The following BBS9 variants were observed in gnomAD, a reference collection of about 807,000 sequenced individuals.
The protein encoded by BBS9 is protein PTHB1.
Under a neutral mutation model 117.7 loss-of-function variants are expected in BBS9, and 89 were observed. The observed-to-expected ratio is 0.76, with a 90% CI of 0.64 to 0.90. The LOEUF is 0.90. Ranked by LOEUF, BBS9 falls within the 40% of genes least tolerant of loss-of-function variation. BBS9 has a pLI of 0.00. For synonymous variants in BBS9, 379 were observed against 370.9 expected, an observed-to-expected ratio of 1.02 and a Z score of -0.25; for missense variants, 982 against 1,042.2, an observed-to-expected ratio of 0.94 and a Z score of 0.80.
chr7:33,582,950 C>T (rs940771803), intron 21 of BBS9, among the ~76,000 whole-genome samples: 2 of 152,106 alleles, frequency 1.3e-5, no homozygotes, highest in Non-Finnish European at 2.9e-5. Context: ...ACTGCTGGTC[C>T]AGAACTAAGT....
chr7:33,389,304 C>T (rs1826590430), intron 19 of BBS9, among the ~76,000 whole-genome samples: 1 of 152,146 alleles, frequency 6.6e-6, no homozygotes, highest in Non-Finnish European at 1.5e-5. Context: ...TTTGAAAGGA[C>T]AAATCAGATT....
chr7:33,316,535 C>T (rs2128566891), intron 9 of BBS9, among the ~76,000 whole-genome samples: 1 of 152,288 alleles, frequency 6.6e-6, no homozygotes, highest in East Asian at 1.9e-4. Flanking sequence ...GTTCTGGTTG[C>T]TCAACATCCT....
intron 21 of BBS9, among the ~76,000 whole-genome samples, chr7:33,544,670 C>T (rs1017765902): frequency 6.6e-6 from 1 of 152,160 alleles, no homozygotes; most frequent in African/African-American, 2.4e-5. Flanking sequence ...GCTGGTTGGC[C>T]TCCTGCCAGG....
intron 18 of BBS9, among the ~76,000 whole-genome samples, chr7:33,386,105 A>T (rs1207072619): frequency 6.6e-6 from 1 of 152,224 alleles, no homozygotes; most frequent in African/African-American, 2.4e-5. Flanking sequence ...CGTTGTGCAC[A>T]TGTACCCTAG....
At chr7:33,208,711 G>A (rs1345306) in intron 5 of BBS9, among the ~76,000 whole-genome samples, 45,326 of 151,980 alleles carry the variant, frequency 0.3, 7,282 homozygotes, top group Admixed American at 0.43. Flanking sequence ...AATGCAGAAA[G>A]TATGGATTCA....
At chr7:33,341,977 C>T (rs1816660786) in intron 11 of BBS9, among the ~76,000 whole-genome samples, 1 of 151,884 alleles carries the variant, frequency 6.6e-6, no homozygotes, top group Non-Finnish European at 1.5e-5. Context: ...AGAAATTGAT[C>T]ACCAACAGAT....
chr7:33,150,325 A>G (rs1039433956), intron 2 of BBS9, among the ~76,000 whole-genome samples: 3 of 152,204 alleles, frequency 2.0e-5, no homozygotes, highest in Non-Finnish European at 2.9e-5. Context: ...AAATAAAGCT[A>G]TCTTCGATAA....
chr7:33,521,677 C>A (rs1848618279), intron 20 of BBS9, among the ~76,000 whole-genome samples: 1 of 151,504 alleles, frequency 6.6e-6, no homozygotes, highest in Non-Finnish European at 1.5e-5. Flanking sequence ...GGCATATAGA[C>A]CATATAACTT....
At chr7:33,164,971 C>T (rs1795435086) in intron 4 of BBS9, among the ~76,000 whole-genome samples, 3 of 152,070 alleles carry the variant, frequency 2.0e-5, no homozygotes, top group Admixed American at 1.3e-4. Flanking sequence ...TGATACCGGT[C>T]TTTCCTTTCC....
At chr7:33,344,719 CT>C in intron 12 of BBS9, 85 bp downstream of exon 12, 1 of 1,365,634 alleles carries the variant, frequency 7.3e-7, no homozygotes, top group Non-Finnish European at 1.0e-6. Context: ...TTGTAAGTAG[CT>C]TACAGAAATG....
intron 21 of BBS9, among the ~76,000 whole-genome samples, chr7:33,578,484 T>C (rs1285186476): frequency 6.6e-6 from 1 of 152,202 alleles, no homozygotes; most frequent in Non-Finnish European, 1.5e-5. Flanking sequence ...CACCTGCTTG[T>C]GCAGGCCCTT....
chr7:33,497,913 A>G (rs1323891874), intron 19 of BBS9, among the ~76,000 whole-genome samples: 1 of 152,176 alleles, frequency 6.6e-6, no homozygotes, highest in African/African-American at 2.4e-5. Flanking sequence ...CAATGTCATT[A>G]TTAATCTAAT....
At chr7:33,146,159 G>C in intron 1 of BBS9, 83 bp from the exon 2 acceptor site, 4 of 944,688 alleles carry the variant, frequency 4.2e-6, no homozygotes, top group East Asian at 2.6e-5. Flanking sequence ...TCTCAGATCT[G>C]TCCAAGTTTA....
intron 9 of BBS9, among the ~76,000 whole-genome samples, chr7:33,324,230 G>T (rs1812349584): frequency 1.3e-5 from 2 of 152,032 alleles, no homozygotes; most frequent in South Asian, 4.2e-4. Context: ...TATGTGTTTT[G>T]ATTTGAGTTT....
At position 33,161,084 on chromosome 7, in the gene BBS9, A is replaced by T. The variant is rs187454868; in HGVS notation, c.328+5382A>T. Among the ~76,000 whole-genome samples, 11 of 151,976 alleles carry T rather than the reference A, an allele frequency of 7.2e-5. No individual in the cohort carries two copies. In the East Asian group the frequency reaches 2.1e-3, roughly 29 times the overall value. On this transcript the variant is annotated intron_variant, in intron 4 of 22. Transcript: ENST00000242067. ...TTTGAAAAGCAAACATTGGTTGTAA[A>T]CTCTTTTAGCAACATGGAACAGTCA...
intron 5 of BBS9, among the ~76,000 whole-genome samples, chr7:33,241,015 C>T (rs1794422488): frequency 6.6e-6 from 1 of 151,982 alleles, no homozygotes; most frequent in Non-Finnish European, 1.5e-5. Context: ...CAAATCACAA[C>T]CATTACGAGG....
rs546697805 is a variant in BBS9, at chr7:33,594,343, G to A, written c.2522-10522G>A. On this transcript the variant is annotated intron_variant, in intron 21 of 22. Transcript: ENST00000242067. ...AGCGGAACTGAGCTCCATACATTTC[G>A]CGGGGCATCCTATTGGACACACACT... 3.9e-5 allele frequency among the ~76,000 whole-genome samples: 6 copies of A among 152,108 alleles called. No homozygotes were observed. In the South Asian group the frequency reaches 6.2e-4, roughly 16 times the overall value.
intron 9 of BBS9, among the ~76,000 whole-genome samples, chr7:33,316,863 A>G (rs1433556695): frequency 6.6e-6 from 1 of 152,152 alleles, no homozygotes; most frequent in East Asian, 1.9e-4. Context: ...TGATGAGCAG[A>G]AGTTTTGAAA....
chr7:33,369,823 C>T (rs1319157985), intron 17 of BBS9, among the ~76,000 whole-genome samples: 1 of 152,070 alleles, frequency 6.6e-6, no homozygotes, highest in Non-Finnish European at 1.5e-5. Context: ...TTGAAAGGTA[C>T]CTAGTATTAA....
Sources: gnomAD v4.1 joint callset for allele counts (sites outside exome capture counted in the v4.1 genomes callset) on GRCh38, gnomAD v4.1.1 for gene constraint, MANE v1.5 for transcripts, NCBI Gene and HGNC (gene_info 2026-07-23, HGNC 2026-07-21) for gene names.